The following TTC28 variants were observed in gnomAD, a reference collection of about 807,000 sequenced individuals.
TTC28 encodes the protein tetratricopeptide repeat protein 28.
In TTC28, 61 loss-of-function variants were observed where a neutral mutation model predicts 198.0. The observed-to-expected ratio is 0.31, with a 90% CI of 0.25 to 0.38. The LOEUF (loss-of-function observed/expected upper bound fraction) is 0.38. Ranked by LOEUF, TTC28 falls within the 10% of genes least tolerant of loss-of-function variation. The pLI is 1.00. For missense variants in TTC28, 2,678 were observed against 3,164.0 expected (o/e 0.85, Z 3.69); for synonymous variants, 1,171 against 1,297.8 (o/e 0.90, Z 2.10).
At chr22:28,289,774 C>T (rs2044752698) in intron 5 of TTC28, among the ~76,000 whole-genome samples, 1 of 152,132 alleles carries the variant, frequency 6.6e-6, no homozygotes, top group Non-Finnish European at 1.5e-5. Context: ...GCCTGTAATC[C>T]CAACACTTTG....
At chr22:28,676,538 A>T (rs907600757) in intron 1 of TTC28, among the ~76,000 whole-genome samples, 1 of 152,158 alleles carries the variant, frequency 6.6e-6, no homozygotes, top group Non-Finnish European at 1.5e-5. Context: ...TATCTCAATA[A>T]AGCTTTTTAA....
intron 5 of TTC28, among the ~76,000 whole-genome samples, chr22:28,266,811 G>C (rs1931712942): frequency 6.6e-6 from 1 of 152,108 alleles, no homozygotes; most frequent in Non-Finnish European, 1.5e-5. Context: ...TTTTGTCACA[G>C]AGCATTATTA....
rs183102598 is a variant in TTC28 at position 27,981,643 on chromosome 22, A to C, written c.*578T>G. 6.6e-6 allele frequency: 1 copy of C among 152,284 alleles called. No individual in the cohort carries two copies. Among genetic ancestry groups the C allele is most frequent in the Admixed American group, 6.5e-5 (1 of 15,294 alleles). The allele number at this position is 152,284 out of a possible 1,614,324, so 9.4% of individuals were successfully genotyped here. Reference sequence around the variant, plus strand: ...ATTATTGCATTGTTGCTGAGATATTACACTATCATGAGACCAAAATTGCTA... The same window carrying C: ...ATTATTGCATTGTTGCTGAGATATTCCACTATCATGAGACCAAAATTGCTA... On this transcript the variant is annotated 3_prime_UTR_variant, in exon 23 of 23. Coordinates refer to ENST00000397906, the MANE Select transcript of TTC28 (RefSeq NM_001145418.2).
At chr22:28,251,383 T>C (rs2223369) in intron 5 of TTC28, among the ~76,000 whole-genome samples, 25,121 of 152,184 alleles carry the variant, frequency 0.17, 2,843 homozygotes, top group Non-Finnish European at 0.25. Flanking sequence ...GCTGTTTTCA[T>C]ACTACAATGG....
intron 5 of TTC28, among the ~76,000 whole-genome samples, chr22:28,215,909 T>C (rs1371120371): frequency 2.0e-5 from 3 of 152,208 alleles, no homozygotes; most frequent in African/African-American, 7.2e-5. Flanking sequence ...AAAAAAGCCA[T>C]ATTTGCACAA....
At chr22:28,519,792 C>T (rs555059402) in intron 2 of TTC28, among the ~76,000 whole-genome samples, 2 of 152,338 alleles carry the variant, frequency 1.3e-5, no homozygotes, top group African/African-American at 4.8e-5. Context: ...CAATATAAAG[C>T]TTTTCTTTTC....
chr22:28,561,214 C>A (rs1169083505), intron 2 of TTC28, among the ~76,000 whole-genome samples: 1 of 151,638 alleles, frequency 6.6e-6, no homozygotes, highest in East Asian at 1.9e-4. Flanking sequence ...GCTGGGACTA[C>A]AGGCACCCAC....
intron 2 of TTC28, among the ~76,000 whole-genome samples, chr22:28,407,179 C>G (rs1251279808): frequency 6.6e-6 from 1 of 152,142 alleles, no homozygotes; most frequent in Non-Finnish European, 1.5e-5. Context: ...TTTATTTATT[C>G]TGACTTATTT....
chr22:28,278,246 T>C (rs1156715651), intron 5 of TTC28, among the ~76,000 whole-genome samples: 3 of 152,186 alleles, frequency 2.0e-5, no homozygotes. Context: ...ATACCTGCTC[T>C]GGGTTTTTAT....
intron 2 of TTC28, among the ~76,000 whole-genome samples, chr22:28,603,445 T>C (rs1434264942): frequency 3.3e-5 from 5 of 152,076 alleles, no homozygotes; most frequent in African/African-American, 7.2e-5. Context: ...CAGAGTGCAA[T>C]GGCACAATCA....
At chr22:28,159,899 T>C (rs985726911) in intron 6 of TTC28, among the ~76,000 whole-genome samples, 38 of 152,092 alleles carry the variant, frequency 2.5e-4, no homozygotes, top group African/African-American at 9.2e-4. Flanking sequence ...AAGAATGAGA[T>C]CCTGTCATCT....
intron 6 of TTC28, among the ~76,000 whole-genome samples, chr22:28,146,710 G>T (rs1206503564): frequency 6.6e-6 from 1 of 152,120 alleles, no homozygotes; most frequent in African/African-American, 2.4e-5. Flanking sequence ...TGGATTGGTG[G>T]AACCTTCCAT....
At chr22:28,233,147 T>A (rs1928948488) in intron 5 of TTC28, among the ~76,000 whole-genome samples, 1 of 152,176 alleles carries the variant, frequency 6.6e-6, no homozygotes, top group Non-Finnish European at 1.5e-5. Context: ...TTTTCCCTTG[T>A]TGCTTTATAA....
chr22:28,484,567 C>A (rs2048294424), intron 2 of TTC28, among the ~76,000 whole-genome samples: 1 of 152,162 alleles, frequency 6.6e-6, no homozygotes, highest in African/African-American at 2.4e-5. Context: ...AACAAAACAT[C>A]CTATGTACTC....
At chr22:28,523,621 A>T (rs909098663) in intron 2 of TTC28, among the ~76,000 whole-genome samples, 3 of 152,216 alleles carry the variant, frequency 2.0e-5, no homozygotes, top group African/African-American at 4.8e-5. Flanking sequence ...GCCTCAAAAT[A>T]GCCCAGTGAG....
At chr22:28,009,032 G>T (rs1938032839) in intron 14 of TTC28, among the ~76,000 whole-genome samples, 2 of 152,188 alleles carry the variant, frequency 1.3e-5, no homozygotes, top group African/African-American at 4.8e-5. Flanking sequence ...CTAAACACTT[G>T]CAACTTTTCT....
intron 2 of TTC28, among the ~76,000 whole-genome samples, chr22:28,597,329 C>A (rs898838903): frequency 3.3e-5 from 5 of 152,154 alleles, no homozygotes; most frequent in African/African-American, 9.7e-5. Context: ...CACTGAACAA[C>A]TATCCATTTC....
At chr22:28,463,194 T>C (rs1275096384) in intron 2 of TTC28, among the ~76,000 whole-genome samples, 12 of 152,238 alleles carry the variant, frequency 7.9e-5, no homozygotes, top group African/African-American at 2.9e-4. Context: ...CTATCTCACA[T>C]TAAGAAATTG....
At chr22:28,635,694 G>A (rs577817262) in intron 1 of TTC28, among the ~76,000 whole-genome samples, 126 of 152,146 alleles carry the variant, frequency 8.3e-4, no homozygotes, top group Middle Eastern at 3.4e-3. Context: ...CAATAAAGTC[G>A]TATATATAGA....
Sources: gnomAD v4.1 joint callset for allele counts (sites outside exome capture counted in the v4.1 genomes callset) on GRCh38, gnomAD v4.1.1 for gene constraint, MANE v1.5 for transcripts, NCBI Gene and HGNC (gene_info 2026-07-23, HGNC 2026-07-21) for gene names.